RGL1: variants seen among roughly 807,000 people sequenced by gnomAD.
RGL1 encodes ral guanine nucleotide dissociation stimulator-like 1.
In RGL1, 24 loss-of-function variants were observed where a neutral mutation model predicts 95.2. That is an observed-to-expected ratio of 0.25 (90% CI 0.18 to 0.35). The LOEUF (loss-of-function observed/expected upper bound fraction) is 0.35, where lower values mean the gene tolerates loss of function less well. RGL1 is among the 10% of genes least tolerant of loss of function. The pLI is 1.00. For synonymous variants in RGL1, 329 were observed against 344.9 expected, an observed-to-expected ratio of 0.95 and a Z score of 0.51; for missense variants, 715 against 936.3, an observed-to-expected ratio of 0.76 and a Z score of 3.08.
chr1:183,842,334 T>C (rs1196477704), intron 2 of RGL1, among the ~76,000 whole-genome samples: 1 of 20,436 alleles, frequency 4.9e-5, no homozygotes, highest in African/African-American at 2.5e-4. Context: ...TGAAGGGACT[T>C]TTTTTTTTTT....
intron 2 of RGL1, among the ~76,000 whole-genome samples, chr1:183,845,213 T>C (rs1158328779): frequency 6.6e-6 from 1 of 152,260 alleles, no homozygotes; most frequent in Non-Finnish European, 1.5e-5. Flanking sequence ...ATAAACCGCC[T>C]GGCGATTGTT....
At chr1:183,742,038 C>A in intron 1 of RGL1, 1 of 1,037,864 alleles carries the variant, frequency 9.6e-7, no homozygotes, top group Non-Finnish European at 1.4e-6. Flanking sequence ...TCTCACTAGT[C>A]AGAAGTCAAG....
upstream of RGL1, among the ~76,000 whole-genome samples, chr1:183,801,172 TGTGTG>T (rs1485620753): frequency 6.6e-6 from 1 of 151,826 alleles, no homozygotes; most frequent in Non-Finnish European, 1.5e-5. Context: ...TGTGTGTGTG[TGTGTG>T]TTTAATAATG....
chr1:183,771,949 G>A (rs1483354869), intron 2 of RGL1, among the ~76,000 whole-genome samples: 3 of 152,182 alleles, frequency 2.0e-5, no homozygotes, highest in Admixed American at 6.5e-5. Context: ...ACACGCCGGC[G>A]GAAGAGCATT....
At chr1:183,702,557 T>C (rs1339599030) in intron 1 of RGL1, among the ~76,000 whole-genome samples, 1 of 152,244 alleles carries the variant, frequency 6.6e-6, no homozygotes, top group African/African-American at 2.4e-5. Flanking sequence ...CATGGCTGTC[T>C]ATGAGGCTAC....
chr1:183,758,296 A>G (rs1658466743), intron 2 of RGL1, among the ~76,000 whole-genome samples: 1 of 151,250 alleles, frequency 6.6e-6, no homozygotes, highest in African/African-American at 2.4e-5. Flanking sequence ...TCCTGGGTTC[A>G]CACCATTCTC....
At chr1:183,826,769 CAT>C (rs766686526) in intron 2 of RGL1, among the ~76,000 whole-genome samples, 14 of 152,124 alleles carry the variant, frequency 9.2e-5, no homozygotes, top group Non-Finnish European at 2.1e-4. Flanking sequence ...AGAAAAATAA[CAT>C]ATTTCAGTAA....
chr1:183,826,309 C>T (rs1382818961), intron 2 of RGL1, among the ~76,000 whole-genome samples: 1 of 152,130 alleles, frequency 6.6e-6, no homozygotes, highest in Non-Finnish European at 1.5e-5. Flanking sequence ...TCTCAACTCC[C>T]CCTAACCCTG....
chr1:183,886,863 T>A (rs1249363426), intron 7 of RGL1, among the ~76,000 whole-genome samples: 1 of 152,108 alleles, frequency 6.6e-6, no homozygotes, highest in Non-Finnish European at 1.5e-5. Context: ...TGGACTGCCC[T>A]TAATGGTATG....
intron 2 of RGL1, among the ~76,000 whole-genome samples, chr1:183,776,290 A>G (rs1056137294): frequency 6.6e-6 from 1 of 151,206 alleles, no homozygotes; most frequent in Non-Finnish European, 1.5e-5. Context: ...CTGGGACTAC[A>G]GGCGCCCGCT....
intron 2 of RGL1, among the ~76,000 whole-genome samples, chr1:183,814,974 T>G (rs1304142351): frequency 6.6e-6 from 1 of 152,220 alleles, no homozygotes; most frequent in African/African-American, 2.4e-5. Context: ...CTTTTCCAAT[T>G]AAAATTGCAA....
chr1:183,925,129 A>G (rs1475697876), intron 17 of RGL1, among the ~76,000 whole-genome samples: 1 of 152,216 alleles, frequency 6.6e-6, no homozygotes, highest in Admixed American at 6.5e-5. Flanking sequence ...TTTAAATATT[A>G]AAAGAAGGGG....
chr1:183,716,137 A>T lies in RGL1; in HGVS notation c.-32-25989A>T, dbSNP rs1655609251. ...ATGTTAAACCAACTATCCGGATACCACATTGCCCAGCCAAGTTGACAAATA... is the reference window on the plus strand; with the variant it reads ...ATGTTAAACCAACTATCCGGATACCTCATTGCCCAGCCAAGTTGACAAATA... On this transcript the variant is annotated intron_variant, in intron 1 of 18. Coordinates refer to the RGL1 transcript ENST00000304685. Among the ~76,000 whole-genome samples the T allele has an allele frequency of 2.6e-5, 4 of 152,232 alleles. No individual in the cohort carries two copies. In the South Asian group the frequency reaches 8.3e-4, roughly 31 times the overall value.
chr1:183,916,437 A>T lies in RGL1; in HGVS notation c.1750-10A>T. The T allele has an allele frequency of 6.2e-7, 1 of 1,612,776 alleles. No homozygotes were observed. Among genetic ancestry groups the T allele is most frequent in the Non-Finnish European group, 8.5e-7 (1 of 1,179,376 alleles). On this transcript the variant is annotated splice_polypyrimidine_tract_variant and intron_variant, in intron 15 of 17. Transcript: ENST00000360851. ...ATCTGTTTTCTTCTGGGGTGTGTTT[A>T]CTCTTCCAGCTCTCTGAGTCCTCCT...
At chr1:183,648,152 AAC>A in intron 1 of RGL1, 2 of 1,614,208 alleles carry the variant, frequency 1.2e-6, no homozygotes, top group Non-Finnish European at 1.7e-6. Flanking sequence ...TGGGCTGAAA[AAC>A]ATGTGATCCT....
chr1:183,740,382 G>A (rs1451229011), intron 1 of RGL1, among the ~76,000 whole-genome samples: 1 of 152,224 alleles, frequency 6.6e-6, no homozygotes, highest in African/African-American at 2.4e-5. Context: ...CTCTCTGCAA[G>A]TAGATGGGCT....
chr1:183,837,841 A>G (rs1423718581), intron 2 of RGL1, among the ~76,000 whole-genome samples: 1 of 152,156 alleles, frequency 6.6e-6, no homozygotes, highest in African/African-American at 2.4e-5. Flanking sequence ...CATTAGTTAG[A>G]TTCCCATAAG....
chr1:183,887,376 G>A lies in RGL1; in HGVS notation c.952-1098G>A, dbSNP rs1378461092. Among the ~76,000 whole-genome samples, 3 of 151,874 alleles carry A rather than the reference G, an allele frequency of 2.0e-5. No homozygotes were observed. In the East Asian group the frequency reaches 5.8e-4, roughly 29 times the overall value. ...AGATTTTGGCATGCTAAATTAGAGTGCTGTTTTTCCTTCGTATTCAGGATT... is the reference window on the plus strand; with the variant it reads ...AGATTTTGGCATGCTAAATTAGAGTACTGTTTTTCCTTCGTATTCAGGATT... On this transcript the variant is annotated intron_variant, in intron 7 of 17. Transcript: ENST00000360851.
At chr1:183,800,481 A>T (rs1660931103), upstream of RGL1, among the ~76,000 whole-genome samples, 1 of 152,206 alleles carries the variant, frequency 6.6e-6, no homozygotes, top group African/African-American at 2.4e-5. Flanking sequence ...TGTACACCAA[A>T]TATGGCAACA....
Sources: allele counts gnomAD v4.1 joint callset (sites outside exome capture counted in the v4.1 genomes callset), GRCh38; gene constraint gnomAD v4.1.1; transcripts MANE v1.5; gene names NCBI Gene and HGNC (gene_info 2026-07-23, HGNC 2026-07-21).